COMMD10: variants seen among roughly 807,000 people sequenced by gnomAD.
The protein encoded by COMMD10 is COMM domain-containing protein 10.
COMMD10 carries 33 observed loss-of-function variants against 28.9 expected under a neutral mutation model. The ratio of observed to expected loss-of-function variants is 1.14; its 90% CI spans 0.87 to 1.53. The LOEUF (loss-of-function observed/expected upper bound fraction) is 1.53. Ranked by LOEUF, COMMD10 falls within the 40% of genes most tolerant of loss-of-function variation. COMMD10 has a pLI of 0.00. For synonymous variants in COMMD10, 110 were observed against 81.7 expected, an observed-to-expected ratio of 1.35 and a Z score of -1.87; for missense variants, 310 against 233.4, an observed-to-expected ratio of 1.33 and a Z score of -2.14.
At chr5:116,204,527 A>G (rs574878756) in intron 5 of COMMD10, among the ~76,000 whole-genome samples, 1 of 152,048 alleles carries the variant, frequency 6.6e-6, no homozygotes, top group East Asian at 1.9e-4. Context: ...ATTTTTGAGG[A>G]GGAAATATCT....
chr5:116,165,004 T>C (rs1252163793), intron 5 of COMMD10, among the ~76,000 whole-genome samples: 1 of 152,228 alleles, frequency 6.6e-6, no homozygotes, highest in Non-Finnish European at 1.5e-5. Flanking sequence ...ATAAAGTCAG[T>C]ATTGATCTCA....
At chr5:116,202,029 T>C (rs1295764260) in intron 5 of COMMD10, among the ~76,000 whole-genome samples, 3 of 146,748 alleles carry the variant, frequency 2.0e-5, no homozygotes, top group African/African-American at 7.6e-5. Flanking sequence ...TAATGCTATC[T>C]CTCCCCCTCC....
intron 5 of COMMD10, among the ~76,000 whole-genome samples, chr5:116,271,197 C>G (rs1750742533): frequency 7.4e-6 from 1 of 135,022 alleles, no homozygotes; most frequent in Non-Finnish European, 1.5e-5. Context: ...TTGTTTATGT[C>G]AGTTTTTAAT....
intron 5 of COMMD10, among the ~76,000 whole-genome samples, chr5:116,256,671 G>A (rs1166057077): frequency 6.6e-6 from 1 of 151,818 alleles, no homozygotes; most frequent in Non-Finnish European, 1.5e-5. Context: ...TACACGTAAT[G>A]AGATATGTTG....
At chr5:116,284,447 C>T (rs1011709813) in intron 5 of COMMD10, among the ~76,000 whole-genome samples, 1 of 151,758 alleles carries the variant, frequency 6.6e-6, no homozygotes, top group Admixed American at 6.6e-5. Flanking sequence ...TTTCATAACT[C>T]ACAGCTGTCG....
intron 5 of COMMD10, among the ~76,000 whole-genome samples, chr5:116,173,919 A>G (rs1469670000): frequency 6.6e-6 from 1 of 151,790 alleles, no homozygotes; most frequent in Non-Finnish European, 1.5e-5. Context: ...TCTTTATTCA[A>G]CAAACATCTA....
intron 4 of COMMD10, among the ~76,000 whole-genome samples, chr5:116,097,806 AAG>A (rs1303145884): frequency 6.6e-6 from 1 of 152,002 alleles, no homozygotes; most frequent in African/African-American, 2.4e-5. Flanking sequence ...GAGCAGGAAC[AAG>A]AGAGAGAGGG....
intron 5 of COMMD10, among the ~76,000 whole-genome samples, chr5:116,257,959 A>T (rs915899369): frequency 6.6e-6 from 1 of 151,738 alleles, no homozygotes; most frequent in African/African-American, 2.4e-5. Context: ...GCGATATAGA[A>T]TGTTCAAGGC....
In COMMD10 at chr5:116,239,945, C is replaced by A. The variant is rs558102702; in HGVS notation, c.511-51572C>A. Reference sequence around the variant, plus strand: ...AACTTAGCTTATTTTTCACTCCCCCCCAAGGAGAGTAGAGTCCAGAATGGC... The same window carrying A: ...AACTTAGCTTATTTTTCACTCCCCCACAAGGAGAGTAGAGTCCAGAATGGC... On this transcript the variant is annotated intron_variant, in intron 5 of 6. Transcript: ENST00000274458. Among the ~76,000 whole-genome samples, 13 of 152,176 alleles carry A rather than the reference C, an allele frequency of 8.5e-5. No individual in the cohort carries two copies. In the East Asian group the frequency reaches 2.3e-3, roughly 27 times the overall value.
chr5:116,286,338 T>C (rs112228542), intron 5 of COMMD10, among the ~76,000 whole-genome samples: 5,785 of 97,412 alleles, frequency 0.059, 491 homozygotes, highest in African/African-American at 0.33. Context: ...TTTATATTGT[T>C]TTTTGATTTT....
intron 2 of COMMD10, among the ~76,000 whole-genome samples, chr5:116,090,173 T>G (rs923757378): frequency 3.9e-5 from 6 of 152,224 alleles, no homozygotes; most frequent in Non-Finnish European, 5.9e-5. Context: ...GTATAGAATG[T>G]GGGCATGCCA....
chr5:116,280,101 G>T (rs1233227647), intron 5 of COMMD10, among the ~76,000 whole-genome samples: 1 of 151,788 alleles, frequency 6.6e-6, no homozygotes, highest in African/African-American at 2.4e-5. Context: ...CGTTATGGGC[G>T]CCATTTTCCT....
intron 5 of COMMD10, among the ~76,000 whole-genome samples, chr5:116,247,914 C>T (rs1425364790): frequency 6.6e-6 from 1 of 151,954 alleles, no homozygotes; most frequent in Non-Finnish European, 1.5e-5. Context: ...ATCCCCATGA[C>T]ACAAGTTTAC....
chr5:116,285,644 G>A (rs1751200447), intron 5 of COMMD10, among the ~76,000 whole-genome samples: 1 of 151,950 alleles, frequency 6.6e-6, no homozygotes, highest in African/African-American at 2.4e-5. Context: ...TGTTAATGCA[G>A]TGTAATACAC....
intron 5 of COMMD10, among the ~76,000 whole-genome samples, chr5:116,137,588 T>A (rs767907020): frequency 1.3e-5 from 2 of 151,964 alleles, no homozygotes; most frequent in Non-Finnish European, 2.9e-5. Context: ...ATTTTGGTTG[T>A]ATTTACTTTT....
At position 116,240,870 on chromosome 5, in the gene COMMD10, A is replaced by G. The variant is rs567407315; in HGVS notation, c.511-50647A>G. Among the ~76,000 whole-genome samples the G allele has an allele frequency of 4.6e-5, 7 of 152,350 alleles. No individual in the cohort carries two copies. In the South Asian group the frequency reaches 1.2e-3, roughly 27 times the overall value. On this transcript the variant is annotated intron_variant, in intron 5 of 6. Transcript: ENST00000274458. ...CACTTCCTGCAATGGTGAACTATTT[A>G]TAAACTGCTGGCTCCTCAAAATGTA...
At chr5:116,268,708 C>T (rs1750671452) in intron 5 of COMMD10, among the ~76,000 whole-genome samples, 1 of 151,802 alleles carries the variant, frequency 6.6e-6, no homozygotes, top group East Asian at 1.9e-4. Flanking sequence ...AAATGCCCAT[C>T]AGTGATAGAC....
At chr5:116,162,577 TTTTCTC>T (rs1437147658) in intron 5 of COMMD10, among the ~76,000 whole-genome samples, 1 of 152,200 alleles carries the variant, frequency 6.6e-6, no homozygotes, top group African/African-American at 2.4e-5. Context: ...CATAAATAGA[TTTTCTC>T]TTTTTATCAT....
intron 4 of COMMD10, among the ~76,000 whole-genome samples, chr5:116,109,553 C>T (rs1396616636): frequency 6.6e-6 from 1 of 152,190 alleles, no homozygotes; most frequent in African/African-American, 2.4e-5. Flanking sequence ...GAGATAGTGC[C>T]ACTGCACTCC....
Sources: gnomAD v4.1 joint callset for allele counts (sites outside exome capture counted in the v4.1 genomes callset) on GRCh38, gnomAD v4.1.1 for gene constraint, MANE v1.5 for transcripts, NCBI Gene and HGNC (gene_info 2026-07-23, HGNC 2026-07-21) for gene names.